Variants in CCDC142 observed in about 807,000 individuals in gnomAD.
The protein encoded by CCDC142 is coiled-coil domain-containing protein 142.
Under a neutral mutation model 83.8 loss-of-function variants are expected in CCDC142, and 67 were observed. The ratio of observed to expected loss-of-function variants is 0.80; its 90% confidence interval spans 0.66 to 0.98. The LOEUF (loss-of-function observed/expected upper bound fraction) is 0.98. Ranked by LOEUF, CCDC142 falls within the 50% of genes least tolerant of loss-of-function variation. The pLI is 0.00. For synonymous variants in CCDC142, 421 were observed against 421.2 expected (o/e 1.00, Z 0.01); for missense variants, 905 against 946.8 (o/e 0.96, Z 0.58).
At chr2:74,474,886 C>T in intron 8 of CCDC142, 30 bp downstream of exon 8, 2 of 1,580,440 alleles carry the variant, frequency 1.3e-6, no homozygotes, top group Non-Finnish European at 1.7e-6. Context: ...TTGGGACACA[C>T]AAAGCAGTGA....
intron 5 of CCDC142, 75 bp from the exon 6 acceptor site, chr2:74,475,801 C>A: frequency 1.1e-6 from 1 of 895,002 alleles, no homozygotes; most frequent in South Asian, 1.6e-5. Flanking sequence ...GCTCTATGTC[C>A]AACTTGACAT....
At chr2:74,481,688 T>C (rs1406583697) in intron 1 of CCDC142, 129 bp downstream of exon 1, 5 of 1,374,778 alleles carry the variant, frequency 3.6e-6, no homozygotes, top group South Asian at 2.6e-5. Flanking sequence ...TCAGAAGCTA[T>C]AGTCTGAACC....
chr2:74,475,562 A>G (rs1253422876), intron 6 of CCDC142, 50 bp downstream of exon 6: 1 of 1,530,570 alleles, frequency 6.5e-7, no homozygotes, highest in East Asian at 2.3e-5. Context: ...GGGCTGAGAC[A>G]CTATTACCCC....
chr2:74,481,971 G>A lies in CCDC142; in HGVS notation c.867C>T (p.Ala289=), dbSNP rs777330003. 4 of 1,613,644 alleles carry A rather than the reference G, an allele frequency of 2.5e-6. No individual in the cohort carries two copies. In the African/African-American group the frequency reaches 4.0e-5, roughly 16 times the overall value. ...CCCCTCCGAGCCCTAGTCCACAGCT[G>A]GCTGAACCCGCCACGCCCCCGACCA... is the stretch of plus-strand genomic sequence containing the variant. ...LGLVGGVAGS[A]SCGLGLGGAG... is the part of the protein sequence containing the mutation. Residue 289 remains alanine (A), a synonymous_variant, in exon 1 of 9, where the codon GCC becomes GCT. Coordinates refer to ENST00000393965, the MANE Select transcript of CCDC142 (RefSeq NM_001365575.2).
rs763298649 is a variant in CCDC142 at position 74,475,601 on chromosome 2, TGAG to T, written c.1618+8_1618+10del. On this transcript the variant is annotated splice_region_variant and intron_variant, in intron 6 of 8. Coordinates refer to ENST00000393965, the MANE Select transcript of CCDC142 (RefSeq NM_001365575.2). ...GGAACTCTGGAAGGAGAAGCTGGGA[TGAG>T]GAGTTACCAGGACAGAGACGAAGCC... is the stretch of plus-strand genomic sequence containing the variant. The T allele has an allele frequency of 1.5e-4, 234 of 1,605,756 alleles. 1 individual carries two copies. The highest frequency in any genetic ancestry group is 1.2e-3 in the East Asian group (54 of 44,852).
In CCDC142 at chr2:74,474,801, A is replaced by ACCT. The variant is rs1396300576; in HGVS notation, c.1997-2_1997dup (p.Cys666delinsTer). On this transcript the variant is annotated stop_gained and splice_region_variant, in exon 9 of 9. Coordinates refer to ENST00000393965, the MANE Select transcript of CCDC142 (RefSeq NM_001365575.2). LOFTEE classifies it high-confidence loss of function. ...TCGTGGTCTGGACCTCCTGACAAGC[A>ACCT]CCTGGTAAGGCAGGAGTGGAAGGTA... is the stretch of plus-strand genomic sequence containing the variant. 6.2e-7 allele frequency: 1 copy of ACCT among 1,606,280 alleles called. No individual in the cohort carries two copies. Among genetic ancestry groups the ACCT allele is most frequent in the Admixed American group, 1.7e-5 (1 of 59,142 alleles).
chr2:74,473,158 T>C lies in CCDC142; in HGVS notation c.*1388A>G, dbSNP rs1672228585. 1 of 205,524 alleles carries C rather than the reference T, an allele frequency of 4.9e-6. No homozygotes were observed. Among genetic ancestry groups the C allele is most frequent in the South Asian group, 6.6e-5 (1 of 15,088 alleles). 12.7% of individuals were successfully genotyped at this position (205,524 alleles called of 1,614,324 possible). A position where few individuals can be genotyped will look rare whatever the true frequency, so the allele number is the denominator to read the frequency against. Reference sequence around the variant, plus strand: ...AATAGCCAAAGCTTAAACGTGAAAGTACTACAGCCCAATATTAGTAAATGA... The same window carrying C: ...AATAGCCAAAGCTTAAACGTGAAAGCACTACAGCCCAATATTAGTAAATGA... On this transcript the variant is annotated 3_prime_UTR_variant, in exon 9 of 9. Transcript: ENST00000393965.
chr2:74,481,337 G>C lies in CCDC142; in HGVS notation c.1144C>G (p.Gln382Glu). 1.2e-6 allele frequency: 2 copies of C among 1,614,110 alleles called. No homozygotes were observed. Among genetic ancestry groups the C allele is most frequent in the East Asian group, 2.2e-5 (1 of 44,890 alleles). The stretch of plus-strand genomic sequence containing the variant: ...CCAGAGGATGTGGGAAGGCTGCTCT[G>C]ACCCCCAAGAGCTGATCCCAAGGCC... ...CQALGSALGG[Q>E]SSLPTSSGTA... The change falls in exon 3 of 9, where the codon CAG becomes GAG. Residue 382 changes from glutamine (Q) to glutamate (E), a missense_variant. This residue lies in a region of CCDC142 where 591 missense variants were observed against 571.4 expected (regional missense o/e 1.03). Coordinates refer to ENST00000393965, the MANE Select transcript of CCDC142 (RefSeq NM_001365575.2).
chr2:74,473,187 A>G lies in CCDC142; in HGVS notation c.*1359T>C, dbSNP rs1205717981. The G allele has an allele frequency of 3.1e-5, 6 of 191,996 alleles. No individual in the cohort carries two copies. The highest frequency in any genetic ancestry group is 4.8e-5 in the African/African-American group (2 of 41,768). The allele number at this position is 191,996 out of a possible 1,614,324, so 11.9% of individuals were successfully genotyped here. A position where few individuals can be genotyped will look rare whatever the true frequency, so the allele number is the denominator to read the frequency against. On this transcript the variant is annotated 3_prime_UTR_variant, in exon 9 of 9. Coordinates refer to ENST00000393965, the MANE Select transcript of CCDC142 (RefSeq NM_001365575.2). ...ACAGCCCAATATTAGTAAATGACTG[A>G]AAATAGTAATAGGAAGGGCAGTACA...
Position 74,482,856 on chromosome 2 carries a change from C to A in CCDC142, c.-19G>T. 3.8e-6 allele frequency: 6 copies of A among 1,589,404 alleles called. No homozygotes were observed. Among genetic ancestry groups the A allele is most frequent in the Non-Finnish European group, 5.1e-6 (6 of 1,174,306 alleles). On this transcript the variant is annotated 5_prime_UTR_variant, in exon 1 of 9. Transcript: ENST00000393965. This position sits in a 1 kb window ranked among gnomAD's most constrained non-coding sequence, Gnocchi z 5.0. ...GGGCCATGGGGCGGCGGGTCCAGAA[C>A]GAACCTAACGATTCCCACTTCCCTG...
intron 6 of CCDC142, 81 bp downstream of exon 6, chr2:74,475,531 G>A: frequency 6.9e-7 from 1 of 1,455,780 alleles, no homozygotes; most frequent in Non-Finnish European, 9.5e-7. Context: ...GGAGACAGTG[G>A]AGGGGAACCG....
Position 74,482,351 on chromosome 2 carries a change from C to A in CCDC142, c.487G>T (p.Glu163Ter). The change falls in exon 1 of 9, where the codon GAG becomes TAG. Residue 163 changes from glutamate (E) to a stop codon, truncating the protein, a stop_gained. Transcript: ENST00000393965. LOFTEE classifies it high-confidence loss of function. The surrounding 1 kb of genome is among the most constrained non-coding windows in gnomAD (Gnocchi z 5.0). ...ATGGGGCGCGCTAGCAGCAGCGGCT[C>A]GAGAGTCTCCCCAGGGCCGATTCGC... ...VLRIGPGETL[E>*]PLLLARPIGL... is the part of the protein sequence containing the mutation. 6.3e-7 allele frequency: 1 copy of A among 1,596,170 alleles called. No individual in the cohort carries two copies. The highest frequency in any genetic ancestry group is 8.5e-7 in the Non-Finnish European group (1 of 1,173,094).
rs529077771 is a variant in CCDC142 at position 74,482,451 on chromosome 2, C to T, written c.387G>A (p.Ser129=). The change falls in exon 1 of 9, where the codon TCG becomes TCA. Residue 129 remains serine, a synonymous_variant. Transcript: ENST00000393965. This position sits in a 1 kb window ranked among gnomAD's most constrained non-coding sequence, Gnocchi z 5.0. ...VRLMKTLSPG[S]PSGGPSPLPQ... ...GCAAGGGGCTAGGGCCGCCGGATGG[C>T]GAGCCAGGACTCAGGGTCTTCATGA... is the stretch of plus-strand genomic sequence containing the variant. 9.0e-6 allele frequency: 14 copies of T among 1,550,940 alleles called. No individual in the cohort carries two copies. In the South Asian group the frequency reaches 1.1e-4, roughly 12 times the overall value.
rs895275952 is a variant in CCDC142, at chr2:74,472,842, A to G, written c.*1704T>C. 13 of 655,352 alleles carry G rather than the reference A, an allele frequency of 2.0e-5. No individual in the cohort carries two copies. The highest frequency in any genetic ancestry group is 2.9e-5 in the Non-Finnish European group (11 of 382,110). 40.6% of individuals were successfully genotyped at this position (655,352 alleles called of 1,614,324 possible). On this transcript the variant is annotated 3_prime_UTR_variant, in exon 9 of 9. Coordinates refer to ENST00000393965, the MANE Select transcript of CCDC142 (RefSeq NM_001365575.2). ...CAGGAAAGAAAGAGGTGGTTTCGGC[A>G]CAACGCATGGGGGAGCCCAAAGTAG...
Position 74,482,531 on chromosome 2 carries a change from C to A in CCDC142, c.307G>T (p.Glu103Ter), listed in dbSNP as rs1322587655. Residue 103 changes from glutamate to a stop codon, truncating the protein, a stop_gained, in exon 1 of 9, where the codon GAG (glutamate) becomes TAG (stop). Coordinates refer to ENST00000393965, the MANE Select transcript of CCDC142 (RefSeq NM_001365575.2). LOFTEE classifies it high-confidence loss of function. This position sits in a 1 kb window ranked among gnomAD's most constrained non-coding sequence, Gnocchi z 5.0. The part of the protein sequence containing the change: ...AVLLRLHRER[E>*]QLLQARDCAY... ...CAGTCTCGGGCCTGGAGGAGCTGCT[C>A]CCGCTCGCGATGCAGCCGCAGCAAC... is the stretch of plus-strand genomic sequence containing the variant. The A allele has an allele frequency of 6.3e-7, 1 of 1,585,396 alleles. No individual in the cohort carries two copies. The highest frequency in any genetic ancestry group is 8.6e-7 in the Non-Finnish European group (1 of 1,165,606).
chr2:74,474,898 C>T lies in CCDC142; in HGVS notation c.1996+18G>A, dbSNP rs199510650. Reference sequence around the variant, plus strand: ...GGTTTGGGACACACAAAGCAGTGAGCGAAGGGGAGTAACTCACAGCAACAG... The same window carrying T: ...GGTTTGGGACACACAAAGCAGTGAGTGAAGGGGAGTAACTCACAGCAACAG... On this transcript the variant is annotated intron_variant, in intron 8 of 8. Coordinates refer to ENST00000393965, the MANE Select transcript of CCDC142 (RefSeq NM_001365575.2). The T allele has an allele frequency of 1.9e-4, 294 of 1,582,830 alleles. 1 individual carries two copies. In the African/African-American group the frequency reaches 3.5e-3, roughly 19 times the overall value.
intron 5 of CCDC142, among the ~76,000 whole-genome samples, chr2:74,478,077 T>C (rs1236167931): frequency 6.8e-6 from 1 of 148,014 alleles, no homozygotes; most frequent in Non-Finnish European, 1.5e-5. Context: ...TATATACTTT[T>C]TTTTTTTTGA....
Position 74,475,655 on chromosome 2 carries a change from G to A in CCDC142, c.1575C>T (p.Leu525=), listed in dbSNP as rs773433867. Residue 525 remains leucine (L), a synonymous_variant, in exon 6 of 9, where the codon CTC becomes CTT. Coordinates refer to ENST00000393965, the MANE Select transcript of CCDC142 (RefSeq NM_001365575.2). ...GCCAGTACCGACCCCGTGGCATGTA[G>A]AGCTTGAAACCTTGCATGGCTTGTT... ...CHKQAMQGFK[L]YMPRGRYWRL... The A allele has an allele frequency of 6.2e-7, 1 of 1,614,120 alleles. No individual in the cohort carries two copies. Among genetic ancestry groups the A allele is most frequent in the South Asian group, 1.1e-5 (1 of 91,082 alleles).
chr2:74,481,197 TCCCCAG>T lies in CCDC142; in HGVS notation c.1258+20_1258+25del. On this transcript the variant is annotated intron_variant, in intron 3 of 8. Coordinates refer to ENST00000393965, the MANE Select transcript of CCDC142 (RefSeq NM_001365575.2). Reference sequence around the variant, plus strand: ...AAGAGATATCCTCAACTGCTCTGTGTCCCCAGCCCCAGCCCCTCGTCTCACCTGCAG... The same window carrying T: ...AAGAGATATCCTCAACTGCTCTGTGTCCCCAGCCCCTCGTCTCACCTGCAG... 6.2e-7 allele frequency: 1 copy of T among 1,613,434 alleles called. No homozygotes were observed. Among genetic ancestry groups the T allele is most frequent in the East Asian group, 2.2e-5 (1 of 44,890 alleles).
Sources: allele counts gnomAD v4.1 joint callset (sites outside exome capture counted in the v4.1 genomes callset), GRCh38; gene constraint gnomAD v4.1.1; regional missense constraint gnomAD v4.1.1; non-coding constraint Gnocchi (gnomAD v3.1); transcripts MANE v1.5; gene names NCBI Gene and HGNC (gene_info 2026-07-23, HGNC 2026-07-21).